ZMAT4: variants seen among roughly 807,000 people sequenced by gnomAD.
ZMAT4 encodes the protein zinc finger matrin-type protein 4.
Under a neutral mutation model 28.7 loss-of-function variants are expected in ZMAT4, and 17 were observed. The ratio of observed to expected loss-of-function variants is 0.59; its 90% CI spans 0.41 to 0.89. ZMAT4 has a LOEUF of 0.89. Among genes scored for constraint, ZMAT4 ranks in the 40% least tolerant of loss-of-function variants. ZMAT4 has a pLI of 0.00. For missense variants in ZMAT4, 240 were observed against 283.8 expected (o/e 0.85, Z 1.11); for synonymous variants, 117 against 109.2 (o/e 1.07, Z -0.44).
At chr8:40,808,575 CAAAAA>C (rs745844578) in intron 2 of ZMAT4, 1 of 406,190 alleles carries the variant, frequency 2.5e-6, no homozygotes, top group South Asian at 1.7e-5. Context: ...CACCACACTG[CAAAAA>C]AAAAAAAAGT....
chr8:40,784,737 C>T (rs1001613331), intron 2 of ZMAT4, among the ~76,000 whole-genome samples: 1 of 152,124 alleles, frequency 6.6e-6, no homozygotes, highest in African/African-American at 2.4e-5. Flanking sequence ...GAATCATTAC[C>T]CCTGCTCCCG....
intron 4 of ZMAT4, among the ~76,000 whole-genome samples, chr8:40,688,069 GACAAAC>G (rs1329703898): frequency 1.3e-5 from 2 of 152,114 alleles, no homozygotes. Flanking sequence ...CCACGACCGA[GACAAAC>G]TGCTGCCTCC....
At chr8:40,609,798 C>T (rs1339923975) in intron 5 of ZMAT4, among the ~76,000 whole-genome samples, 16 of 152,052 alleles carry the variant, frequency 1.1e-4, no homozygotes, top group Non-Finnish European at 1.5e-5. Context: ...TTGGCTTTCC[C>T]CCAGTTTTAA....
At chr8:40,693,074 T>A (rs1473249323) in intron 4 of ZMAT4, among the ~76,000 whole-genome samples, 2 of 152,150 alleles carry the variant, frequency 1.3e-5, no homozygotes, top group Non-Finnish European at 2.9e-5. Flanking sequence ...TAAAATGAGA[T>A]CATATTGGAT....
chr8:40,807,276 T>C (rs1181991326), intron 2 of ZMAT4, among the ~76,000 whole-genome samples: 1 of 151,986 alleles, frequency 6.6e-6, no homozygotes, highest in Non-Finnish European at 1.5e-5. Flanking sequence ...ACCTCGTCTC[T>C]GCTAAAAATA....
At chr8:40,811,204 G>A (rs989068380) in intron 2 of ZMAT4, among the ~76,000 whole-genome samples, 1 of 152,128 alleles carries the variant, frequency 6.6e-6, no homozygotes, top group African/African-American at 2.4e-5. Context: ...AAAAGAACAG[G>A]GGAGACAAAT....
At chr8:40,703,103 C>A (rs1810214946) in intron 3 of ZMAT4, among the ~76,000 whole-genome samples, 1 of 152,076 alleles carries the variant, frequency 6.6e-6, no homozygotes, top group South Asian at 2.1e-4. Context: ...AATATTGTGA[C>A]CAGAGGTCTC....
intron 5 of ZMAT4, among the ~76,000 whole-genome samples, chr8:40,595,532 T>A (rs1197205684): frequency 6.6e-6 from 1 of 152,174 alleles, no homozygotes; most frequent in Non-Finnish European, 1.5e-5. Flanking sequence ...GGCTATAAGG[T>A]ATGGCCTATT....
intron 5 of ZMAT4, among the ~76,000 whole-genome samples, chr8:40,590,675 T>C (rs1804861791): frequency 1.3e-5 from 2 of 151,798 alleles, no homozygotes; most frequent in Admixed American, 6.6e-5. Context: ...TCTTGTGCAC[T>C]ATTACTTCTA....
At chr8:40,708,792 G>A (rs59384487) in intron 3 of ZMAT4, among the ~76,000 whole-genome samples, 22,967 of 150,994 alleles carry the variant, frequency 0.15, 2,519 homozygotes, top group East Asian at 0.37. Context: ...CGGAATCACA[G>A]GTGCGCACCA....
At chr8:40,870,826 T>A (rs1817830759) in intron 1 of ZMAT4, among the ~76,000 whole-genome samples, 1 of 152,190 alleles carries the variant, frequency 6.6e-6, no homozygotes, top group Admixed American at 6.5e-5. Flanking sequence ...GGGTCTGCAT[T>A]GAGATTTTGC....
chr8:40,659,768 A>G (rs1808106288), intron 5 of ZMAT4, among the ~76,000 whole-genome samples: 1 of 152,176 alleles, frequency 6.6e-6, no homozygotes, highest in Admixed American at 6.6e-5. Flanking sequence ...ACTGAGGCCC[A>G]GAGAGATGAA....
intron 3 of ZMAT4, among the ~76,000 whole-genome samples, chr8:40,700,088 T>C (rs1274797166): frequency 6.6e-6 from 1 of 152,160 alleles, no homozygotes; most frequent in Non-Finnish European, 1.5e-5. Flanking sequence ...GACCTACTAA[T>C]TGTGTTAGGT....
chr8:40,598,612 AT>A (rs1417939535), intron 5 of ZMAT4, among the ~76,000 whole-genome samples: 4 of 152,120 alleles, frequency 2.6e-5, no homozygotes, highest in African/African-American at 9.7e-5. Flanking sequence ...CCAATCTATC[AT>A]TGATGGGTAT....
chr8:40,600,444 G>A (rs1805261175), intron 5 of ZMAT4, among the ~76,000 whole-genome samples: 1 of 152,168 alleles, frequency 6.6e-6, no homozygotes, highest in Non-Finnish European at 1.5e-5. Context: ...GTGTGGCCAG[G>A]CTCCTGCCTG....
intron 5 of ZMAT4, among the ~76,000 whole-genome samples, chr8:40,673,073 C>A (rs763685464): frequency 4.6e-5 from 7 of 152,142 alleles, no homozygotes; most frequent in African/African-American, 1.7e-4. Context: ...AGCCATGGAT[C>A]TCCAACTTTA....
chr8:40,848,164 A>G (rs1816976182), intron 1 of ZMAT4, among the ~76,000 whole-genome samples: 1 of 152,228 alleles, frequency 6.6e-6, no homozygotes, highest in Non-Finnish European at 1.5e-5. Flanking sequence ...AACAGCCTAG[A>G]GAAACAAAAG....
chr8:40,810,565 A>G (rs1467763920), intron 2 of ZMAT4, among the ~76,000 whole-genome samples: 1 of 152,228 alleles, frequency 6.6e-6, no homozygotes, highest in Non-Finnish European at 1.5e-5. Context: ...CAATATTTAA[A>G]GGTAAGCTCC....
At chr8:40,545,763 G>C (rs1180138305) in intron 6 of ZMAT4, among the ~76,000 whole-genome samples, 1 of 151,932 alleles carries the variant, frequency 6.6e-6, no homozygotes, top group Admixed American at 6.6e-5. Flanking sequence ...CCAGAATTGC[G>C]AGAGAATCCA....
Sources: gnomAD v4.1 joint callset for allele counts (sites outside exome capture counted in the v4.1 genomes callset) on GRCh38, gnomAD v4.1.1 for gene constraint, MANE v1.5 for transcripts, NCBI Gene and HGNC (gene_info 2026-07-23, HGNC 2026-07-21) for gene names.